The following LPAR1 variants were observed in gnomAD, a reference collection of about 807,000 sequenced individuals.
LPAR1 encodes the protein lysophosphatidic acid receptor 1.
A neutral mutation model predicts 23.8 loss-of-function variants in LPAR1; 5 were observed. The observed-to-expected ratio is 0.21, with a 90% CI of 0.11 to 0.44. The LOEUF is 0.44. Among genes scored for constraint, LPAR1 ranks in the 20% least tolerant of loss-of-function variants. The pLI is 0.99. For synonymous variants in LPAR1, 160 were observed against 164.7 expected (o/e 0.97, Z 0.22); for missense variants, 311 against 482.8 (o/e 0.64, Z 3.33).
At chr9:110,898,739 G>GA (rs1353684970) in intron 5 of LPAR1, among the ~76,000 whole-genome samples, 3 of 152,188 alleles carry the variant, frequency 2.0e-5, no homozygotes, top group African/African-American at 7.2e-5. Flanking sequence ...ATCACTTACA[G>GA]CCTGAGAAAT....
intron 5 of LPAR1, among the ~76,000 whole-genome samples, chr9:110,877,867 T>C (rs996642414): frequency 6.6e-6 from 1 of 152,218 alleles, no homozygotes; most frequent in Non-Finnish European, 1.5e-5. Flanking sequence ...CTTAAGCTGC[T>C]TGACTTTGCT....
At chr9:110,877,038 CG>C (rs1471535569) in intron 5 of LPAR1, among the ~76,000 whole-genome samples, 7 of 152,214 alleles carry the variant, frequency 4.6e-5, no homozygotes, top group African/African-American at 1.7e-4. Context: ...TCAGGCAGAG[CG>C]GAAGTAGGAG....
chr9:110,951,766 G>C (rs1006614825), intron 4 of LPAR1, among the ~76,000 whole-genome samples: 6 of 151,260 alleles, frequency 4.0e-5, no homozygotes, highest in African/African-American at 1.2e-4. Flanking sequence ...TCTAACCCTA[G>C]TTTAAAAAAA....
At position 110,953,908 on chromosome 9, in the gene LPAR1, G is replaced by A. The variant is rs541715335; in HGVS notation, c.46-11740C>T. Among the ~76,000 whole-genome samples the A allele has an allele frequency of 3.7e-4, 57 of 152,036 alleles. No homozygotes were observed. In the South Asian group the frequency reaches 0.012, roughly 32 times the overall value. ...AACAAAAGAAACACAAAAAAGCAAG[G>A]AACTATGACACCTTCAAAAGAGCAC... On this transcript the variant is annotated intron_variant, in intron 4 of 5. Coordinates refer to ENST00000683809, the MANE Select transcript of LPAR1 (RefSeq NM_001351411.2).
At chr9:111,028,136 T>TTC (rs1211576733) in intron 2 of LPAR1, among the ~76,000 whole-genome samples, 2 of 151,870 alleles carry the variant, frequency 1.3e-5, no homozygotes, top group Non-Finnish European at 2.9e-5. Flanking sequence ...ATAAGAATTT[T>TTC]TTTTTTTTTT....
chr9:110,933,275 C>T (rs571205101), intron 5 of LPAR1, among the ~76,000 whole-genome samples: 8 of 152,118 alleles, frequency 5.3e-5, no homozygotes, highest in African/African-American at 1.4e-4. Context: ...TCAAATTATA[C>T]GTGGACTTGG....
chr9:110,996,507 T>C (rs1031979464), intron 2 of LPAR1, among the ~76,000 whole-genome samples: 14 of 152,070 alleles, frequency 9.2e-5, no homozygotes, highest in Admixed American at 9.2e-4. Flanking sequence ...CTAAAAAATC[T>C]GGGAGAAGAA....
chr9:110,960,111 C>T lies in LPAR1; in HGVS notation c.45+11962G>A, dbSNP rs188305864. On this transcript the variant is annotated intron_variant, in intron 4 of 5. Coordinates refer to ENST00000683809, the MANE Select transcript of LPAR1 (RefSeq NM_001351411.2). ...AGCAGAGTAGGGTGGCTATAGTTAACGAAAATGTATGGTATATTTCCAAAC... is the reference window on the plus strand; with the variant it reads ...AGCAGAGTAGGGTGGCTATAGTTAATGAAAATGTATGGTATATTTCCAAAC... Among the ~76,000 whole-genome samples, 290 of 152,088 alleles carry T rather than the reference C, an allele frequency of 1.9e-3. 2 individuals carry two copies. The highest frequency in any genetic ancestry group is 6.1e-3 in the African/African-American group (255 of 41,486).
chr9:110,884,887 G>A (rs888652040), intron 5 of LPAR1, among the ~76,000 whole-genome samples: 18 of 152,064 alleles, frequency 1.2e-4, no homozygotes, highest in Admixed American at 3.9e-4. Context: ...GATCCTTGAT[G>A]TCTCTTAATT....
At chr9:110,996,219 T>C (rs2096999745) in intron 2 of LPAR1, among the ~76,000 whole-genome samples, 1 of 152,134 alleles carries the variant, frequency 6.6e-6, no homozygotes, top group Admixed American at 6.5e-5. Flanking sequence ...GAAAAGGGAT[T>C]TGATGACCAC....
chr9:111,002,365 T>TA (rs1429534025), intron 2 of LPAR1, among the ~76,000 whole-genome samples: 1 of 147,270 alleles, frequency 6.8e-6, no homozygotes, highest in East Asian at 2.0e-4. Flanking sequence ...AAACCAATTT[T>TA]AAACTTCTAA....
intron 5 of LPAR1, among the ~76,000 whole-genome samples, chr9:110,885,240 A>G (rs1208192110): frequency 5.3e-5 from 8 of 152,184 alleles, no homozygotes; most frequent in Admixed American, 4.6e-4. Flanking sequence ...GTTGCTCTAC[A>G]TTCAAATGCA....
intron 5 of LPAR1, among the ~76,000 whole-genome samples, chr9:110,880,351 C>G (rs2080407492): frequency 6.6e-6 from 1 of 152,110 alleles, no homozygotes; most frequent in South Asian, 2.1e-4. Context: ...ATTACCACAC[C>G]TTCCCTCAAA....
intron 2 of LPAR1, among the ~76,000 whole-genome samples, chr9:110,989,787 A>G (rs1006327368): frequency 2.0e-5 from 3 of 152,146 alleles, no homozygotes; most frequent in African/African-American, 7.2e-5. Context: ...AAACAACTCA[A>G]TTAAAAGGCA....
At chr9:111,018,960 T>C (rs896276785) in intron 2 of LPAR1, among the ~76,000 whole-genome samples, 1 of 152,354 alleles carries the variant, frequency 6.6e-6, no homozygotes, top group South Asian at 2.1e-4. Flanking sequence ...TATATCGCCT[T>C]ATATAACAGT....
intron 5 of LPAR1, among the ~76,000 whole-genome samples, chr9:110,904,554 G>A (rs1249838059): frequency 2.6e-5 from 4 of 152,166 alleles, no homozygotes; most frequent in African/African-American, 9.7e-5. Context: ...TTGGGATTCT[G>A]CATATCAAAT....
chr9:110,914,149 T>C (rs2092786854), intron 5 of LPAR1, among the ~76,000 whole-genome samples: 1 of 152,216 alleles, frequency 6.6e-6, no homozygotes, highest in Non-Finnish European at 1.5e-5. Flanking sequence ...TAATCCTGTT[T>C]CCCTTTGTCT....
chr9:111,014,415 A>G (rs1209938453), intron 2 of LPAR1, among the ~76,000 whole-genome samples: 1 of 152,140 alleles, frequency 6.6e-6, no homozygotes. Flanking sequence ...GTTGATGAAC[A>G]TCAGGCAAGA....
At chr9:110,899,719 T>A (rs2087957800) in intron 5 of LPAR1, among the ~76,000 whole-genome samples, 1 of 152,218 alleles carries the variant, frequency 6.6e-6, no homozygotes, top group African/African-American at 2.4e-5. Context: ...TGTCAGGTAA[T>A]GCTAATGTTA....
Sources: gnomAD v4.1 joint callset for allele counts (sites outside exome capture counted in the v4.1 genomes callset) on GRCh38, gnomAD v4.1.1 for gene constraint, MANE v1.5 for transcripts, NCBI Gene and HGNC (gene_info 2026-07-23, HGNC 2026-07-21) for gene names.